The following HERC2 variants were observed in gnomAD, a reference collection of about 807,000 sequenced individuals.
HERC2 encodes the protein E3 ubiquitin-protein ligase HERC2.
A neutral mutation model predicts 537.7 loss-of-function variants in HERC2; 102 were observed. The ratio of observed to expected loss-of-function variants is 0.19; its 90% CI spans 0.16 to 0.22. HERC2 has a LOEUF of 0.22. Among genes scored for constraint, HERC2 ranks in the 10% least tolerant of loss-of-function variants. The pLI is 1.00. For missense variants in HERC2, 4,236 were observed against 6,198.2 expected (o/e 0.68, Z 10.63); for synonymous variants, 2,224 against 2,466.2 (o/e 0.90, Z 2.91).
At chr15:28,148,186 T>C (rs964066475) in intron 70 of HERC2, among the ~76,000 whole-genome samples, 6 of 151,702 alleles carry the variant, frequency 4.0e-5, no homozygotes, top group African/African-American at 1.5e-4. Context: ...ATACAAGACA[T>C]GAAAGAACCA....
At position 28,142,308 on chromosome 15, in the gene HERC2, T is replaced by C; in HGVS notation, c.11630A>G (p.Tyr3877Cys). The change falls in exon 76 of 93, where the codon TAC becomes TGC. Residue 3877 changes from tyrosine to cysteine, a missense_variant. Tyr to Cys is a radical substitution (Grantham distance 194). Around this residue, in one of 27 missense-constraint regions of HERC2, gnomAD observed 156 missense variants for 172.3 expected, o/e 0.91. Coordinates refer to ENST00000261609, the MANE Select transcript of HERC2 (RefSeq NM_004667.6). ...CACAGCAACACGGGAGGCCATGCAG[T>C]ACCTCCGGAACCAGGCCCACTTGTG... is the stretch of plus-strand genomic sequence containing the variant. ...ETHKWAWFRR[Y>C]CMASRVAVAL... 6.2e-7 allele frequency: 1 copy of C among 1,614,206 alleles called. No homozygotes were observed. The highest frequency in any genetic ancestry group is 8.5e-7 in the Non-Finnish European group (1 of 1,180,022).
chr15:28,212,704 T>A lies in HERC2; in HGVS notation c.6787-121A>T, dbSNP rs529710964. ...GCCACACATACCCGTAAGCCTTTTA[T>A]AGCTGAGAATAATCATTTTTTAAAA... On this transcript the variant is annotated intron_variant, in intron 42 of 92. Transcript: ENST00000261609. 1.0e-4 allele frequency: 109 copies of A among 1,092,378 alleles called. 1 individual carries two copies. The East Asian group carries it at 2.5e-3, about 25-fold the overall frequency. 67.7% of individuals were successfully genotyped at this position (1,092,378 alleles called of 1,614,324 possible).
intron 2 of HERC2, among the ~76,000 whole-genome samples, chr15:28,305,193 T>C (rs1027925430): frequency 2.0e-5 from 3 of 148,902 alleles, no homozygotes; most frequent in African/African-American, 7.4e-5. Context: ...CATGTGTCTT[T>C]ATAGCAGCAT....
At chr15:28,271,568 C>A (rs1424465234) in intron 9 of HERC2, among the ~76,000 whole-genome samples, 1 of 151,974 alleles carries the variant, frequency 6.6e-6, no homozygotes, top group African/African-American at 2.4e-5. Flanking sequence ...ACTCGGGAGG[C>A]TGAGGCAGGA....
At chr15:28,294,690 C>T (rs1025742624) in intron 3 of HERC2, among the ~76,000 whole-genome samples, 5 of 151,954 alleles carry the variant, frequency 3.3e-5, no homozygotes, top group African/African-American at 4.8e-5. Context: ...AAGGTCACCT[C>T]ACCCTGTTCT....
chr15:28,283,900 C>G (rs1182671348), intron 4 of HERC2, among the ~76,000 whole-genome samples: 1 of 152,084 alleles, frequency 6.6e-6, no homozygotes, highest in Non-Finnish European at 1.5e-5. Context: ...TGCTCAGGAG[C>G]ACAAGTGTTC....
rs756036400 is a variant in HERC2 at position 28,254,113 on chromosome 15, G to A, written c.3050+227C>T. Among the ~76,000 whole-genome samples, 12 of 152,144 alleles carry A rather than the reference G, an allele frequency of 7.9e-5. 1 individual carries two copies. The South Asian group carries it at 2.1e-3, about 26-fold the overall frequency. On this transcript the variant is annotated intron_variant, in intron 20 of 92. Coordinates refer to ENST00000261609, the MANE Select transcript of HERC2 (RefSeq NM_004667.6). ...AGCCTGACCACCATGAAGAAACCCC[G>A]TCTCTACTAAAACTACAAGATTAGT...
At chr15:28,252,172 T>C (rs1180275000) in intron 20 of HERC2, among the ~76,000 whole-genome samples, 1 of 152,178 alleles carries the variant, frequency 6.6e-6, no homozygotes, top group Non-Finnish European at 1.5e-5. Context: ...CTATGATGGA[T>C]ACACTTCAAG....
intron 52 of HERC2, 129 bp downstream of exon 52, chr15:28,196,086 A>T (rs1897321755): frequency 1.4e-6 from 1 of 730,762 alleles, no homozygotes. Context: ...CTTCCGTCTC[A>T]CTGTACTCAC....
intron 2 of HERC2, among the ~76,000 whole-genome samples, chr15:28,309,367 T>A (rs2076878373): frequency 6.6e-6 from 1 of 152,188 alleles, no homozygotes. Flanking sequence ...ATACATATAT[T>A]TATAATAGTT....
rs202042236 is a variant in HERC2, at chr15:28,202,343, G to C, written c.7480+4C>G. 5.8e-4 allele frequency: 943 copies of C among 1,613,650 alleles called. No homozygotes were observed. The highest frequency in any genetic ancestry group is 7.3e-4 in the Non-Finnish European group (861 of 1,179,736). ...CACAAGCAGAGGCCAGGAAAACGAA[G>C]TACCAGGCAAGCTGGATGCATTCCC... On this transcript the variant is annotated splice_donor_region_variant and intron_variant, in intron 46 of 92. Coordinates refer to ENST00000261609, the MANE Select transcript of HERC2 (RefSeq NM_004667.6).
Position 28,152,841 on chromosome 15 carries a change from A to G in HERC2, c.10747-11T>C. The G allele has an allele frequency of 6.4e-7, 1 of 1,559,532 alleles. No individual in the cohort carries two copies. Among genetic ancestry groups the G allele is most frequent in the East Asian group, 2.4e-5 (1 of 41,524 alleles). On this transcript the variant is annotated splice_polypyrimidine_tract_variant and intron_variant, in intron 69 of 92. Coordinates refer to ENST00000261609, the MANE Select transcript of HERC2 (RefSeq NM_004667.6). The stretch of plus-strand genomic sequence containing the variant: ...CAGCATATCTGCCACCTGGAGAGGA[A>G]GCAAGGACATGAATGAGGGGGCCAA...
chr15:28,138,485 C>G (rs1890876279), intron 78 of HERC2, among the ~76,000 whole-genome samples: 1 of 152,160 alleles, frequency 6.6e-6, no homozygotes, highest in Non-Finnish European at 1.5e-5. Flanking sequence ...TAACTCCACT[C>G]TGACTGTGCT....
intron 5 of HERC2, among the ~76,000 whole-genome samples, chr15:28,278,689 T>C (rs1171832185): frequency 6.6e-6 from 1 of 152,188 alleles, no homozygotes; most frequent in Non-Finnish European, 1.5e-5. Context: ...ACCGCTCCTG[T>C]CTCTGGGGAG....
Position 28,114,749 on chromosome 15 carries a change from G to C in HERC2, c.13776C>G (p.Thr4592=). 2.5e-6 allele frequency: 4 copies of C among 1,614,078 alleles called. No individual in the cohort carries two copies. The highest frequency in any genetic ancestry group is 3.4e-6 in the Non-Finnish European group (4 of 1,180,016). ...GLMYIRDNEA[T]SEEFEAMSLP... is the part of the protein sequence containing the mutation. ...GGCTCATGGCTTCAAACTCCTCTGA[G>C]GTGGCTTCATTGTCTCGGATGTACA... is the stretch of plus-strand genomic sequence containing the variant. Residue 4592 remains threonine, a synonymous_variant, in exon 90 of 93, where the codon ACC becomes ACG. Transcript: ENST00000261609.
At chr15:28,307,580 A>C (rs1407269417) in intron 2 of HERC2, among the ~76,000 whole-genome samples, 1 of 151,756 alleles carries the variant, frequency 6.6e-6, no homozygotes, top group Non-Finnish European at 1.5e-5. Context: ...GTTTAATTTC[A>C]CTCTTAATTT....
In HERC2 at chr15:28,134,771, C is replaced by G. The variant is rs181317223; in HGVS notation, c.12230+707G>C. On this transcript the variant is annotated intron_variant, in intron 79 of 92. Transcript: ENST00000261609. ...AGGCTGGAGTGCAGTGGCGCAATCTCGGCTCACTGCAACCTCCACCTCCCG... is the reference window on the plus strand; with the variant it reads ...AGGCTGGAGTGCAGTGGCGCAATCTGGGCTCACTGCAACCTCCACCTCCCG... Among the ~76,000 whole-genome samples, 7 of 149,262 alleles carry G rather than the reference C, an allele frequency of 4.7e-5. No homozygotes were observed. The East Asian group carries it at 9.9e-4, about 21-fold the overall frequency.
At position 28,113,515 on chromosome 15, in the gene HERC2, T is replaced by C; in HGVS notation, c.14019+58A>G. The stretch of plus-strand genomic sequence containing the variant: ...TCTGACTCTAACTGCTGTCACTGAT[T>C]TGTGGGTCAGCAGGCAAAAGGCAGC... On this transcript the variant is annotated intron_variant, in intron 91 of 92. Coordinates refer to ENST00000261609, the MANE Select transcript of HERC2 (RefSeq NM_004667.6). This position sits in a 1 kb window ranked among gnomAD's most constrained non-coding sequence, Gnocchi z 7.0. 3 of 1,427,208 alleles carry C rather than the reference T, an allele frequency of 2.1e-6. No individual in the cohort carries two copies. The highest frequency in any genetic ancestry group is 3.0e-6 in the Non-Finnish European group (3 of 1,011,228). The allele number at this position is 1,427,208 out of a possible 1,614,324, so 88.4% of individuals were successfully genotyped here. A position where few individuals can be genotyped will look rare whatever the true frequency, so the allele number is the denominator to read the frequency against.
chr15:28,292,753 T>C (rs1243984159), intron 4 of HERC2, 135 bp downstream of exon 4: 5 of 919,752 alleles, frequency 5.4e-6, no homozygotes, highest in Non-Finnish European at 3.3e-6. Context: ...GGTATGTATA[T>C]TTTACCACAA....
Sources: gnomAD v4.1 joint callset for allele counts (sites outside exome capture counted in the v4.1 genomes callset) on GRCh38, gnomAD v4.1.1 for gene constraint, gnomAD v4.1.1 regional missense constraint, Gnocchi (gnomAD v3.1) non-coding constraint, MANE v1.5 for transcripts, NCBI Gene and HGNC (gene_info 2026-07-23, HGNC 2026-07-21) for gene names.